Variants in ENTREP2 observed in about 807,000 individuals in gnomAD.
The protein encoded by ENTREP2 is protein ENTREP2.
At chr15:29,588,755 T>C in the ENTREP2 span, among the ~76,000 whole-genome samples, 1 of 151,814 alleles carries the variant, frequency 6.6e-6, no homozygotes, top group East Asian at 1.9e-4. Flanking sequence ...CCTAGCACTT[T>C]GGGAGGCTGA....
the ENTREP2 span, among the ~76,000 whole-genome samples, chr15:29,670,562 C>T: frequency 1.3e-5 from 2 of 152,168 alleles, no homozygotes; most frequent in Non-Finnish European, 2.9e-5. Context: ...CACTGTTGTC[C>T]CTTCTGGGAT....
chr15:29,394,882 C>CTCTTTTTTTTTTTTTTTTTTT, the ENTREP2 span, among the ~76,000 whole-genome samples: 2 of 95,892 alleles, frequency 2.1e-5, 1 homozygote. Context: ...GTCAGAATCT[C>CTCTTTTTTTTTTTTTTTTTTT]TTTTTTTTTT....
chr15:29,581,563 C>T, the ENTREP2 span, among the ~76,000 whole-genome samples: 2 of 152,032 alleles, frequency 1.3e-5, no homozygotes, highest in Admixed American at 6.6e-5. Flanking sequence ...TTAATCACCA[C>T]AATGATGAAA....
the ENTREP2 span, among the ~76,000 whole-genome samples, chr15:29,543,734 G>A: frequency 7.3e-5 from 11 of 151,270 alleles, no homozygotes; most frequent in African/African-American, 2.4e-4. Flanking sequence ...AGCCAAGATT[G>A]CGCCACTGCA....
chr15:29,607,792 A>G, the ENTREP2 span, among the ~76,000 whole-genome samples: 1 of 144,448 alleles, frequency 6.9e-6, no homozygotes, highest in Non-Finnish European at 1.5e-5. Context: ...AACTAATAGA[A>G]TAGAGGGATA....
the ENTREP2 span, among the ~76,000 whole-genome samples, chr15:29,645,167 G>C: frequency 6.6e-6 from 1 of 152,212 alleles, no homozygotes; most frequent in African/African-American, 2.4e-5. Flanking sequence ...ATATGGAAAA[G>C]AAAAGAAATC....
At chr15:29,506,786 C>T in the ENTREP2 span, among the ~76,000 whole-genome samples, 2 of 152,170 alleles carry the variant, frequency 1.3e-5, no homozygotes, top group Admixed American at 1.3e-4. Flanking sequence ...AAAACCAGTA[C>T]AGCCACTGCA....
chr15:29,629,826 A>T, the ENTREP2 span, among the ~76,000 whole-genome samples: 3 of 152,126 alleles, frequency 2.0e-5, no homozygotes, highest in Admixed American at 2.0e-4. Context: ...GTTCTTTAAA[A>T]GTAGATTTGG....
the ENTREP2 span, among the ~76,000 whole-genome samples, chr15:29,483,161 T>C: frequency 6.6e-6 from 1 of 152,240 alleles, no homozygotes; most frequent in Non-Finnish European, 1.5e-5. Flanking sequence ...GTTCAGGTTG[T>C]TTGCCCATTT....
At chr15:29,397,786 A>T in the ENTREP2 span, among the ~76,000 whole-genome samples, 1 of 152,164 alleles carries the variant, frequency 6.6e-6, no homozygotes, top group Admixed American at 6.5e-5. Context: ...AGCTGTTTAA[A>T]TTTTTTCTGA....
At chr15:29,542,321 C>T in the ENTREP2 span, among the ~76,000 whole-genome samples, 2 of 151,682 alleles carry the variant, frequency 1.3e-5, no homozygotes, top group East Asian at 2.0e-4. Flanking sequence ...GGCTGCTTTA[C>T]GGAGTCTCAC....
chr15:29,633,076 A>T, the ENTREP2 span, among the ~76,000 whole-genome samples: 1 of 152,222 alleles, frequency 6.6e-6, no homozygotes, highest in Non-Finnish European at 1.5e-5. Flanking sequence ...GTGATTGCTG[A>T]ATGAGTAAAC....
the ENTREP2 span, among the ~76,000 whole-genome samples, chr15:29,214,653 G>A: frequency 4.0e-5 from 6 of 149,754 alleles, no homozygotes; most frequent in African/African-American, 1.2e-4. Flanking sequence ...AAACCAGCAC[G>A]TTGTGCACAT....
At chr15:29,518,632 G>C in the ENTREP2 span, among the ~76,000 whole-genome samples, 1 of 152,108 alleles carries the variant, frequency 6.6e-6, no homozygotes, top group Admixed American at 6.5e-5. Flanking sequence ...AGCCGGGAAG[G>C]GCAGGAGGAA....
chr15:29,411,528 G>A, the ENTREP2 span, among the ~76,000 whole-genome samples: 1 of 152,122 alleles, frequency 6.6e-6, no homozygotes, highest in Admixed American at 6.5e-5. Flanking sequence ...CTTTTCTATT[G>A]AGTTTTGTGC....
chr15:29,447,272 A>G, the ENTREP2 span, among the ~76,000 whole-genome samples: 1 of 152,256 alleles, frequency 6.6e-6, no homozygotes, highest in Middle Eastern at 3.4e-3. Flanking sequence ...ATTTCCATGG[A>G]GAAAAGAAGT....
At chr15:29,288,208 GA>G in the ENTREP2 span, among the ~76,000 whole-genome samples, 1 of 152,202 alleles carries the variant, frequency 6.6e-6, no homozygotes, top group African/African-American at 2.4e-5. Context: ...AAAGACCACT[GA>G]AAAGGCAAGC....
the ENTREP2 span, among the ~76,000 whole-genome samples, chr15:29,140,708 C>G: frequency 2.6e-4 from 39 of 152,320 alleles, no homozygotes; most frequent in African/African-American, 9.1e-4. Context: ...GCAGCCACCC[C>G]TCCCCCATCC....
chr15:29,409,857 A>C, the ENTREP2 span, among the ~76,000 whole-genome samples: 1 of 152,190 alleles, frequency 6.6e-6, no homozygotes, highest in Non-Finnish European at 1.5e-5. Flanking sequence ...TGATTCCACC[A>C]ACTCAAGCTG....
Sources: allele counts gnomAD v4.1 joint callset (sites outside exome capture counted in the v4.1 genomes callset), GRCh38; gene constraint gnomAD v4.1.1; transcripts MANE v1.5; gene names NCBI Gene and HGNC (gene_info 2026-07-23, HGNC 2026-07-21).